The following PPP2R5D variants were observed in gnomAD, a reference collection of about 807,000 sequenced individuals.
The protein encoded by PPP2R5D is serine/threonine-protein phosphatase 2A 56 kDa regulatory subunit delta isoform.
A neutral mutation model predicts 79.1 loss-of-function variants in PPP2R5D; 12 were observed. The ratio of observed to expected loss-of-function variants is 0.15; its 90% CI spans 0.10 to 0.25. The LOEUF is 0.25. PPP2R5D is among the 10% of genes least tolerant of loss of function. The pLI is 1.00. For missense variants in PPP2R5D, 419 were observed against 760.2 expected (o/e 0.55, Z 5.28); for synonymous variants, 277 against 286.6 (o/e 0.97, Z 0.34).
chr6:42,991,878 G>A (rs1262523875), intron 2 of PPP2R5D, among the ~76,000 whole-genome samples: 1 of 152,196 alleles, frequency 6.6e-6, no homozygotes, highest in Non-Finnish European at 1.5e-5. Context: ...AAAGGAGGGT[G>A]TTGAGTTCAC....
rs566067415 is a variant in PPP2R5D at position 43,011,249 on chromosome 6, C to T, written c.1772C>T (p.Ala591Val). 48 of 1,614,028 alleles carry T rather than the reference C, an allele frequency of 3.0e-5. No individual in the cohort carries two copies. Among genetic ancestry groups the T allele is most frequent in the South Asian group, 1.5e-4 (14 of 91,084 alleles). ...TIKALEAHKR[A>V]EEFLTASQEA... ...AAGGCACTGGAGGCGCACAAGCGGG[C>T]GGAAGAGTTCCTAACTGCCAGCCAG... Residue 591 changes from alanine to valine, a missense_variant, in exon 16 of 16, where the codon GCG becomes GTG. This residue lies in a region of PPP2R5D where 84 missense variants were observed against 105.4 expected (regional missense o/e 0.80). Transcript: ENST00000485511.
chr6:42,996,818 T>A (rs2150260956), intron 2 of PPP2R5D, among the ~76,000 whole-genome samples: 1 of 152,364 alleles, frequency 6.6e-6, no homozygotes, highest in Non-Finnish European at 1.5e-5. Context: ...ATGTCACTAC[T>A]GGAGAGAAGG....
In PPP2R5D at chr6:43,006,655, C is replaced by A; in HGVS notation, c.298C>A (p.Leu100Met). The change falls in exon 3 of 16, where the codon CTG (leucine) becomes ATG (methionine). Residue 100 changes from leucine (L) to methionine (M), a missense_variant. Leu to Met is a conservative substitution (Grantham distance 15, BLOSUM62 2). Around this residue, in one of 5 missense-constraint regions of PPP2R5D, gnomAD observed 110 missense variants for 147.6 expected, o/e 0.75. Transcript: ENST00000485511. This position sits in a 1 kb window ranked among gnomAD's most constrained non-coding sequence, Gnocchi z 4.7. ...CTTCAACCTCAGCAAGAATCGGGAG[C>A]TGCAGAAGCTTCCTGCCCTGAAAGG... ...SRFNLSKNRE[L>M]QKLPALKDSP... is the part of the protein sequence containing the mutation. 6.2e-7 allele frequency: 1 copy of A among 1,614,120 alleles called. No homozygotes were observed. The highest frequency in any genetic ancestry group is 8.5e-7 in the Non-Finnish European group (1 of 1,180,000).
chr6:42,984,578 C>A lies in PPP2R5D; in HGVS notation c.-100C>A. ...CACCGCTCGACCCGGGCGCAGCGCG[C>A]AGGCGGTGGCGAAGAGACGCCGAGC... On this transcript the variant is annotated 5_prime_UTR_variant, in exon 1 of 16. Coordinates refer to ENST00000485511, the MANE Select transcript of PPP2R5D (RefSeq NM_006245.4). 1 of 1,462,404 alleles carries A rather than the reference C, an allele frequency of 6.8e-7. No homozygotes were observed. 90.6% of individuals were successfully genotyped at this position (1,462,404 alleles called of 1,614,324 possible). A position where few individuals can be genotyped will look rare whatever the true frequency, so the allele number is the denominator to read the frequency against.
In PPP2R5D at chr6:43,005,626, GT is replaced by G. The variant is rs550377578; in HGVS notation, c.106-825del. On this transcript the variant is annotated intron_variant, in intron 2 of 15. Coordinates refer to ENST00000485511, the MANE Select transcript of PPP2R5D (RefSeq NM_006245.4). ...TGGCCTTTCTTTTACCTTTTGTTTT[GT>G]TTTTTTTTTTTGAGACAAAGTCTCG... is the stretch of plus-strand genomic sequence containing the variant. 2.7e-3 allele frequency among the ~76,000 whole-genome samples: 373 copies of G among 136,248 alleles called. 2 individuals are homozygous for G. The highest frequency in any genetic ancestry group is 5.5e-3 in the Admixed American group (76 of 13,856). 89.4% of individuals were successfully genotyped at this position (136,248 alleles called of 152,430 possible). A position where few individuals can be genotyped will look rare whatever the true frequency, so the allele number is the denominator to read the frequency against.
At position 43,008,514 on chromosome 6, in the gene PPP2R5D, G is replaced by A. The variant is rs1444452815; in HGVS notation, c.1026+39G>A. 1 of 1,560,696 alleles carries A rather than the reference G, an allele frequency of 6.4e-7. No individual in the cohort carries two copies. Among genetic ancestry groups the A allele is most frequent in the Admixed American group, 1.7e-5 (1 of 59,830 alleles). On this transcript the variant is annotated intron_variant, in intron 9 of 15. Coordinates refer to ENST00000485511, the MANE Select transcript of PPP2R5D (RefSeq NM_006245.4). The surrounding 1 kb of genome is among the most constrained non-coding windows in gnomAD (Gnocchi z 4.2). ...CTCCTTATAATGTCCAACTCAGGCAGCAGAGAAAAGAGCCGGCAGGAAAGT... is the reference window on the plus strand; with the variant it reads ...CTCCTTATAATGTCCAACTCAGGCAACAGAGAAAAGAGCCGGCAGGAAAGT...
chr6:43,009,455 G>T lies in PPP2R5D; in HGVS notation c.1379+6G>T. ...TCCAAGAGCCACTGGAACAAGTAAG[G>T]CGCTGGGGTGGGGCTGGGTGGTGGG... On this transcript the variant is annotated splice_donor_region_variant and intron_variant, in intron 12 of 15. Transcript: ENST00000485511. This position sits in a 1 kb window ranked among gnomAD's most constrained non-coding sequence, Gnocchi z 5.6. 5.0e-6 allele frequency: 8 copies of T among 1,614,096 alleles called. No individual in the cohort carries two copies. Among genetic ancestry groups the T allele is most frequent in the Non-Finnish European group, 6.8e-6 (8 of 1,180,024 alleles).
At position 43,009,577 on chromosome 6, in the gene PPP2R5D, G is replaced by A; in HGVS notation, c.1379+128G>A. ...GTGGGGCTGATGTCCCCTGCATGTT[G>A]ATAGGACCTTGAGGGGCTGACTGGA... On this transcript the variant is annotated intron_variant, in intron 12 of 15. Transcript: ENST00000485511. This position sits in a 1 kb window ranked among gnomAD's most constrained non-coding sequence, Gnocchi z 5.6. 1 of 1,332,650 alleles carries A rather than the reference G, an allele frequency of 7.5e-7. No individual in the cohort carries two copies. The highest frequency in any genetic ancestry group is 1.3e-5 in the South Asian group (1 of 76,016). 82.6% of individuals were successfully genotyped at this position (1,332,650 alleles called of 1,614,324 possible). A position where few individuals can be genotyped will look rare whatever the true frequency, so the allele number is the denominator to read the frequency against.
At position 43,010,914 on chromosome 6, in the gene PPP2R5D, C is replaced by T. The variant is rs140491750; in HGVS notation, c.1588C>T (p.Pro530Ser). 70 of 1,614,016 alleles carry T rather than the reference C, an allele frequency of 4.3e-5. No individual in the cohort carries two copies. In the African/African-American group the frequency reaches 6.8e-4, roughly 16 times the overall value. The stretch of plus-strand genomic sequence containing the variant: ...GTTCCGAGCCCCTCCACCACTGCCC[C>T]CTGTGTACTCGATGGAGACAGAGAC... Reference protein sequence around the residue: ...PMFRAPPPLPPVYSMETETPT... With the variant: ...PMFRAPPPLPSVYSMETETPT... The change falls in exon 15 of 16, where the codon CCT becomes TCT. Residue 530 changes from proline to serine, a missense_variant. By Grantham distance (74) the Pro-to-Ser change is moderately conservative. Transcript: ENST00000485511. This position sits in a 1 kb window ranked among gnomAD's most constrained non-coding sequence, Gnocchi z 4.7.
chr6:42,987,069 C>T (rs1770908897), intron 1 of PPP2R5D, among the ~76,000 whole-genome samples: 1 of 152,080 alleles, frequency 6.6e-6, no homozygotes, highest in Non-Finnish European at 1.5e-5. Flanking sequence ...GGCCATCTTT[C>T]ACAGCTTCCT....
intron 2 of PPP2R5D, among the ~76,000 whole-genome samples, chr6:42,990,046 G>A (rs1771150639): frequency 6.6e-6 from 1 of 152,186 alleles, no homozygotes; most frequent in Non-Finnish European, 1.5e-5. Context: ...AGTGACTTCA[G>A]CATGGCTCGG....
intron 2 of PPP2R5D, among the ~76,000 whole-genome samples, chr6:42,998,168 G>A (rs1351273250): frequency 2.9e-5 from 4 of 139,928 alleles, no homozygotes; most frequent in Admixed American, 2.3e-4. Flanking sequence ...TCTGCCTCCC[G>A]GGTTCAAGCA....
Position 43,008,128 on chromosome 6 carries a change from G to A in PPP2R5D, c.857+63G>A. 2 of 1,613,824 alleles carry A rather than the reference G, an allele frequency of 1.2e-6. No homozygotes were observed. Among genetic ancestry groups the A allele is most frequent in the African/African-American group, 1.3e-5 (1 of 75,028 alleles). On this transcript the variant is annotated intron_variant, in intron 7 of 15. Coordinates refer to ENST00000485511, the MANE Select transcript of PPP2R5D (RefSeq NM_006245.4). This position sits in a 1 kb window ranked among gnomAD's most constrained non-coding sequence, Gnocchi z 4.2. Reference sequence around the variant, plus strand: ...TGCTACTGAGGTGGGGTGGGAGCAGGGAGGTGGGGGGACTGTACAGAATGC... The same window carrying A: ...TGCTACTGAGGTGGGGTGGGAGCAGAGAGGTGGGGGGACTGTACAGAATGC...
At position 43,008,621 on chromosome 6, in the gene PPP2R5D, TTTC is replaced by T. The variant is rs1323886452; in HGVS notation, c.1027-70_1027-68del. On this transcript the variant is annotated intron_variant, in intron 9 of 15. Coordinates refer to ENST00000485511, the MANE Select transcript of PPP2R5D (RefSeq NM_006245.4). The surrounding 1 kb of genome is among the most constrained non-coding windows in gnomAD (Gnocchi z 4.2). ...TCTCCCCTTCCCTTCTGGGATCTTG[TTTC>T]TATCACTGACTTCTCTGAGAGCTTC... 5.9e-5 allele frequency: 91 copies of T among 1,545,944 alleles called. No homozygotes were observed. The East Asian group carries it at 2.0e-3, about 34-fold the overall frequency.
At chr6:42,990,070 T>C (rs1216677776) in intron 2 of PPP2R5D, among the ~76,000 whole-genome samples, 1 of 151,992 alleles carries the variant, frequency 6.6e-6, no homozygotes, top group Non-Finnish European at 1.5e-5. Context: ...GGGCAGGGGA[T>C]TGGGAGGGGC....
At chr6:42,993,356 A>C (rs941687244) in intron 2 of PPP2R5D, among the ~76,000 whole-genome samples, 1 of 151,874 alleles carries the variant, frequency 6.6e-6, no homozygotes, top group Non-Finnish European at 1.5e-5. Context: ...CTGTAATCCC[A>C]GCTACTGGGG....
chr6:43,004,109 G>A (rs561588484), intron 2 of PPP2R5D, among the ~76,000 whole-genome samples: 3 of 151,826 alleles, frequency 2.0e-5, no homozygotes, highest in East Asian at 1.9e-4. Flanking sequence ...TGCAACGTCC[G>A]CCTCCTGGGT....
chr6:43,001,990 G>A lies in PPP2R5D; in HGVS notation c.106-4473G>A, dbSNP rs1210156013. 5.3e-5 allele frequency among the ~76,000 whole-genome samples: 8 copies of A among 151,124 alleles called. No homozygotes were observed. The East Asian group carries it at 7.8e-4, about 15-fold the overall frequency. On this transcript the variant is annotated intron_variant, in intron 2 of 15. Transcript: ENST00000485511. ...AGGAACTGTTCATCTCTATCCTTAC[G>A]ATAGTGCTATAAGGTAGGTATGGTT...
In PPP2R5D at chr6:43,006,355, G is replaced by T; in HGVS notation, c.106-108G>T. 1 of 1,477,444 alleles carries T rather than the reference G, an allele frequency of 6.8e-7. No homozygotes were observed. The allele number at this position is 1,477,444 out of a possible 1,614,324, so 91.5% of individuals were successfully genotyped here. ...AGCTCCTTCGGGGCAGGAGACAGCTGCTCACTGCCCAGGCCTGTGCAGGCA... is the reference window on the plus strand; with the variant it reads ...AGCTCCTTCGGGGCAGGAGACAGCTTCTCACTGCCCAGGCCTGTGCAGGCA... On this transcript the variant is annotated intron_variant, in intron 2 of 15. Coordinates refer to ENST00000485511, the MANE Select transcript of PPP2R5D (RefSeq NM_006245.4). The surrounding 1 kb of genome is among the most constrained non-coding windows in gnomAD (Gnocchi z 4.7).
Sources: allele counts gnomAD v4.1 joint callset (sites outside exome capture counted in the v4.1 genomes callset), GRCh38; gene constraint gnomAD v4.1.1; regional missense constraint gnomAD v4.1.1; non-coding constraint Gnocchi (gnomAD v3.1); transcripts MANE v1.5; gene names NCBI Gene and HGNC (gene_info 2026-07-23, HGNC 2026-07-21).